MFN2: variants seen among roughly 807,000 people sequenced by gnomAD.
MFN2 encodes the protein mitofusin-2.
A neutral mutation model predicts 87.5 loss-of-function variants in MFN2; 43 were observed. The ratio of observed to expected loss-of-function variants is 0.49; its 90% confidence interval spans 0.38 to 0.63. The LOEUF (loss-of-function observed/expected upper bound fraction) is 0.63, where lower values mean the gene tolerates loss of function less well. Among genes scored for constraint, MFN2 ranks in the 30% least tolerant of loss-of-function variants. The pLI is 0.00. For synonymous variants in MFN2, 337 were observed against 359.9 expected (o/e 0.94, Z 0.72); for missense variants, 743 against 972.8 (o/e 0.76, Z 3.14).
chr1:11,998,676 ACCTG>A, intron 6 of MFN2, 90 bp from the exon 7 acceptor site: 3 of 1,141,058 alleles, frequency 2.6e-6, no homozygotes, highest in Non-Finnish European at 4.0e-6. Context: ...CTCCTCCATG[ACCTG>A]CCTGCCTCAC....
In MFN2 at chr1:11,999,514, A is replaced by T. The variant is rs553457140; in HGVS notation, c.816+419A>T. Among the ~76,000 whole-genome samples the T allele has an allele frequency of 3.3e-5, 5 of 152,144 alleles. No individual in the cohort carries two copies. The South Asian group carries it at 8.3e-4, about 25-fold the overall frequency. ...TTATTTATTTAGAGACTGGGTTATG[A>T]GGCTGGCTAATTTTTGTATTTTTGG... is the stretch of plus-strand genomic sequence containing the variant. On this transcript the variant is annotated intron_variant, in intron 8 of 18. Coordinates refer to ENST00000235329, the MANE Select transcript of MFN2 (RefSeq NM_014874.4).
At chr1:11,983,972 G>C (rs888615588) in intron 2 of MFN2, among the ~76,000 whole-genome samples, 4 of 152,336 alleles carry the variant, frequency 2.6e-5, no homozygotes, top group Non-Finnish European at 5.9e-5. Flanking sequence ...GGGGTTGACA[G>C]TAGGTTTTAC....
chr1:12,010,339 C>G (rs1557538022), intron 18 of MFN2, among the ~76,000 whole-genome samples: 1 of 152,222 alleles, frequency 6.6e-6, no homozygotes, highest in East Asian at 1.9e-4. Context: ...CAGCGCTTAA[C>G]ATGTGCTATT....
chr1:11,992,475 C>T (rs1220961751), intron 3 of MFN2, 80 bp from the exon 4 acceptor site: 20 of 1,580,166 alleles, frequency 1.3e-5, no homozygotes, highest in Admixed American at 1.7e-5. Flanking sequence ...TAAGCAGGGC[C>T]GGCGCTCTGG....
Position 12,013,063 on chromosome 1 carries a change from G to A in MFN2, c.*1498G>A, listed in dbSNP as rs1374314050. 3.0e-6 allele frequency: 1 copy of A among 333,302 alleles called. No homozygotes were observed. The highest frequency in any genetic ancestry group is 8.3e-5 in the East Asian group (1 of 12,066). 20.6% of individuals were successfully genotyped at this position (333,302 alleles called of 1,614,324 possible). On this transcript the variant is annotated 3_prime_UTR_variant, in exon 19 of 19. Coordinates refer to ENST00000235329, the MANE Select transcript of MFN2 (RefSeq NM_014874.4). ...TCCTGTTGTGTGGGGCGAAGTGATG[G>A]ACTCTGCCAGGTGGACATGCTGTGG...
intron 2 of MFN2, among the ~76,000 whole-genome samples, chr1:11,984,130 TA>T (rs1261642437): frequency 1.3e-5 from 2 of 152,232 alleles, no homozygotes; most frequent in Non-Finnish European, 2.9e-5. Context: ...TAGTGAGCAC[TA>T]ATGCTTTTGG....
intron 4 of MFN2, 33 bp from the exon 5 acceptor site, chr1:11,996,123 G>A (rs1270607017): frequency 3.7e-6 from 6 of 1,614,004 alleles, no homozygotes; most frequent in Middle Eastern, 1.6e-4. Flanking sequence ...TCAGATACTG[G>A]TGGCTTTGCT....
At position 11,996,234 on chromosome 1, in the gene MFN2, C is replaced by T; in HGVS notation, c.390C>T (p.Thr130=). 1 of 1,614,244 alleles carries T rather than the reference C, an allele frequency of 6.2e-7. No homozygotes were observed. Among genetic ancestry groups the T allele is most frequent in the Non-Finnish European group, 8.5e-7 (1 of 1,180,056 alleles). Residue 130 remains threonine, a synonymous_variant, in exon 5 of 19, where the codon ACC becomes ACT. Coordinates refer to ENST00000235329, the MANE Select transcript of MFN2 (RefSeq NM_014874.4). ...TGCCCTCTGGGATTGGCCACACCAC[C>T]AATTGCTTCCTGCGGGTAGAGGGCA... ...KVLPSGIGHT[T]NCFLRVEGTD...
At chr1:11,986,922 C>T (rs899359784) in intron 2 of MFN2, among the ~76,000 whole-genome samples, 1 of 152,098 alleles carries the variant, frequency 6.6e-6, no homozygotes, top group Admixed American at 6.6e-5. Context: ...GGAGTCAAGT[C>T]TCATGACCTC....
intron 2 of MFN2, chr1:11,982,625 G>A (rs1646006623): frequency 6.6e-6 from 1 of 152,118 alleles, no homozygotes; most frequent in Non-Finnish European, 1.5e-5. Flanking sequence ...GACTGTGCTT[G>A]GGATCCAAAC....
At position 12,011,635 on chromosome 1, in the gene MFN2, C is replaced by T; in HGVS notation, c.*70C>T. ...AGCCCTAAGTGCCATGTGGGCTCCC[C>T]CAGGGGCACGTGTGGCTCCTGCCCC... On this transcript the variant is annotated 3_prime_UTR_variant, in exon 19 of 19. Transcript: ENST00000235329. The T allele has an allele frequency of 6.5e-7, 1 of 1,544,234 alleles. No homozygotes were observed. Among genetic ancestry groups the T allele is most frequent in the Non-Finnish European group, 8.9e-7 (1 of 1,119,348 alleles).
At position 12,003,483 on chromosome 1, in the gene MFN2, G is replaced by T. The variant is rs544949405; in HGVS notation, c.1161-509G>T. Reference sequence around the variant, plus strand: ...AGTTCAAGACCAGCCTGACCAACACGGAGAAACCCTGTCTCTGCTAAAAAT... The same window carrying T: ...AGTTCAAGACCAGCCTGACCAACACTGAGAAACCCTGTCTCTGCTAAAAAT... On this transcript the variant is annotated intron_variant, in intron 11 of 18. Coordinates refer to ENST00000235329, the MANE Select transcript of MFN2 (RefSeq NM_014874.4). The surrounding 1 kb of genome is among the most constrained non-coding windows in gnomAD (Gnocchi z 4.1). Among the ~76,000 whole-genome samples, 2 of 152,206 alleles carry T rather than the reference G, an allele frequency of 1.3e-5. No individual in the cohort carries two copies. Among genetic ancestry groups the T allele is most frequent in the African/African-American group, 4.8e-5 (2 of 41,446 alleles).
chr1:11,996,932 C>A (rs926648622), intron 5 of MFN2, among the ~76,000 whole-genome samples: 3 of 150,830 alleles, frequency 2.0e-5, no homozygotes, highest in African/African-American at 7.3e-5. Context: ...CAGCTAGTCG[C>A]GAGGCTGAGG....
intron 2 of MFN2, among the ~76,000 whole-genome samples, chr1:11,986,003 G>A (rs1025248824): frequency 3.3e-5 from 5 of 152,144 alleles, no homozygotes; most frequent in African/African-American, 1.2e-4. Flanking sequence ...TCATAGCTGT[G>A]GCGTCATGCT....
In MFN2 at chr1:12,012,386, C is replaced by G. The variant is rs1256046144; in HGVS notation, c.*821C>G. On this transcript the variant is annotated 3_prime_UTR_variant, in exon 19 of 19. Coordinates refer to ENST00000235329, the MANE Select transcript of MFN2 (RefSeq NM_014874.4). ...GATCTGTTTTGGAAGATGGCATGGT[C>G]TAGGTGGTTGAAGGATGTAGTAGAA... 1 of 118,430 alleles carries G rather than the reference C, an allele frequency of 8.4e-6. No homozygotes were observed. The highest frequency in any genetic ancestry group is 3.2e-5 in the African/African-American group (1 of 30,930). The allele number at this position is 118,430 out of a possible 1,614,324, so 7.3% of individuals were successfully genotyped here.
In MFN2 at chr1:11,980,488, A is replaced by T. The variant is rs879253978; in HGVS notation, c.-150+4A>T. 1 of 398,308 alleles carries T rather than the reference A, an allele frequency of 2.5e-6. No individual in the cohort carries two copies. Among genetic ancestry groups the T allele is most frequent in the Non-Finnish European group, 4.4e-6 (1 of 225,844 alleles). The allele number at this position is 398,308 out of a possible 1,614,324, so 24.7% of individuals were successfully genotyped here. On this transcript the variant is annotated splice_donor_region_variant and intron_variant, in intron 1 of 18. Transcript: ENST00000235329. Reference sequence around the variant, plus strand: ...CCGCGAGGCCGGGAAGGTGAAGGTGAGAGGGCGAGCAAGCCGGGGTGGCGG... The same window carrying T: ...CCGCGAGGCCGGGAAGGTGAAGGTGTGAGGGCGAGCAAGCCGGGGTGGCGG...
At chr1:11,991,938 AAAAAAAAAAAAAAAG>A (rs1198332445) in intron 3 of MFN2, among the ~76,000 whole-genome samples, 1 of 143,370 alleles carries the variant, frequency 7.0e-6, no homozygotes, top group African/African-American at 2.6e-5. Context: ...AAAAAAAAAA[AAAAAAAAAAAAAAAG>A]AAGTGACATA....
At chr1:11,993,973 G>A (rs1810563) in intron 4 of MFN2, among the ~76,000 whole-genome samples, 102,399 of 152,030 alleles carry the variant, frequency 0.67, 35,106 homozygotes, top group African/African-American at 0.76. Flanking sequence ...TATCCAGATT[G>A]AAATGGGTCA....
At chr1:11,984,543 C>G (rs572665860) in intron 2 of MFN2, among the ~76,000 whole-genome samples, 2 of 152,318 alleles carry the variant, frequency 1.3e-5, no homozygotes, top group South Asian at 4.1e-4. Flanking sequence ...GATCCAGGCT[C>G]ATAACTCCTA....
Sources: gnomAD v4.1 joint callset for allele counts (sites outside exome capture counted in the v4.1 genomes callset) on GRCh38, gnomAD v4.1.1 for gene constraint, Gnocchi (gnomAD v3.1) non-coding constraint, MANE v1.5 for transcripts, NCBI Gene and HGNC (gene_info 2026-07-23, HGNC 2026-07-21) for gene names.